The following FAM117A variants were observed in gnomAD, a reference collection of about 807,000 sequenced individuals.
FAM117A encodes protein FAM117A.
In FAM117A, 21 loss-of-function variants were observed where a neutral mutation model predicts 44.1. The observed-to-expected ratio is 0.48, with a 90% CI of 0.34 to 0.69. The LOEUF (loss-of-function observed/expected upper bound fraction) is 0.69. Among genes scored for constraint, FAM117A ranks in the 30% least tolerant of loss-of-function variants. FAM117A has a pLI of 0.01. For synonymous variants in FAM117A, 220 were observed against 238.3 expected, an observed-to-expected ratio of 0.92 and a Z score of 0.71; for missense variants, 498 against 589.9, an observed-to-expected ratio of 0.84 and a Z score of 1.61.
At chr17:49,735,313 C>A (rs2073605950) in intron 1 of FAM117A, among the ~76,000 whole-genome samples, 1 of 151,972 alleles carries the variant, frequency 6.6e-6, no homozygotes, top group African/African-American at 2.4e-5. Flanking sequence ...TTGCTTGAAC[C>A]CGGGAAGCGG....
chr17:49,737,751 G>A (rs1354818400), intron 1 of FAM117A, among the ~76,000 whole-genome samples: 3 of 152,208 alleles, frequency 2.0e-5, no homozygotes, highest in Non-Finnish European at 4.4e-5. Flanking sequence ...AAAGGGGATA[G>A]GGAAAGACTG....
At chr17:49,731,528 G>A (rs2073584894) in intron 2 of FAM117A, among the ~76,000 whole-genome samples, 1 of 152,200 alleles carries the variant, frequency 6.6e-6, no homozygotes. Flanking sequence ...CCGAGCTTGG[G>A]ATTCTTAATG....
chr17:49,748,350 C>A (rs982855665), intron 1 of FAM117A, among the ~76,000 whole-genome samples: 5 of 152,174 alleles, frequency 3.3e-5, no homozygotes, highest in African/African-American at 1.2e-4. Context: ...ATTTGCACAG[C>A]AGCTCCAACA....
At chr17:49,764,855 C>G (rs1262224433), upstream of FAM117A, among the ~76,000 whole-genome samples, 1 of 152,118 alleles carries the variant, frequency 6.6e-6, no homozygotes, top group Non-Finnish European at 1.5e-5. Flanking sequence ...CTTAAAAAAA[C>G]AATTGCTAGC....
intron 1 of FAM117A, among the ~76,000 whole-genome samples, chr17:49,750,059 C>T (rs2073670147): frequency 6.7e-6 from 1 of 148,786 alleles, no homozygotes; most frequent in Non-Finnish European, 1.5e-5. Flanking sequence ...ATTAGTCTCA[C>T]ATATATCCAT....
rs765187180 is a variant in FAM117A, at chr17:49,717,521, T to C, written c.902A>G (p.Asn301Ser). The change falls in exon 6 of 8, where the codon AAC becomes AGC. Residue 301 changes from asparagine to serine, a missense_variant. Physicochemically the swap from Asn to Ser is conservative, Grantham distance 46 (BLOSUM62 1). Around this residue, in one of 3 missense-constraint regions of FAM117A, gnomAD observed 224 missense variants for 296.5 expected, o/e 0.76. Coordinates refer to ENST00000240364, the MANE Select transcript of FAM117A (RefSeq NM_030802.4). Reference protein sequence around the residue: ...GAAEELASTPNDKASSPGHPA... With the variant: ...GAAEELASTPSDKASSPGHPA... ...CAGCCTTCGCGGCTTACCTTTGTCG[T>C]TGGGGGTGGATGCCAGCTCCTCGGC... 17 of 1,613,904 alleles carry C rather than the reference T, an allele frequency of 1.1e-5. No homozygotes were observed. The South Asian group carries it at 1.5e-4, about 15-fold the overall frequency.
At chr17:49,770,807 G>A (rs1268110381) in intron 1 of FAM117A, among the ~76,000 whole-genome samples, 10 of 152,156 alleles carry the variant, frequency 6.6e-5, no homozygotes, top group African/African-American at 2.4e-4. Flanking sequence ...GGAAGGCTGC[G>A]GCTGGCAGAT....
chr17:49,766,444 T>G (rs2073746105), upstream of FAM117A, among the ~76,000 whole-genome samples: 1 of 152,234 alleles, frequency 6.6e-6, no homozygotes, highest in Non-Finnish European at 1.5e-5. Flanking sequence ...CTACAGAGGC[T>G]AGGTGACTTG....
chr17:49,782,035 T>A (rs1416479921), intron 1 of FAM117A, among the ~76,000 whole-genome samples: 1 of 151,752 alleles, frequency 6.6e-6, no homozygotes, highest in African/African-American at 2.4e-5. Context: ...AATATGCACA[T>A]AAAATGTATG....
In FAM117A at chr17:49,721,876, G is replaced by A. The variant is rs145591285; in HGVS notation, c.462+623C>T. On this transcript the variant is annotated intron_variant, in intron 3 of 7. Transcript: ENST00000240364. Reference sequence around the variant, plus strand: ...ATGCTGAGGCTTGCAGATCACCTGAGGTCAGGAGTTCAGGACCACCCTGGC... The same window carrying A: ...ATGCTGAGGCTTGCAGATCACCTGAAGTCAGGAGTTCAGGACCACCCTGGC... 8.3e-3 allele frequency among the ~76,000 whole-genome samples: 1,266 copies of A among 152,134 alleles called. 11 individuals are homozygous for A. The highest frequency in any genetic ancestry group is 0.012 in the African/African-American group (488 of 41,510).
chr17:49,726,503 C>T (rs1299994213), intron 2 of FAM117A, among the ~76,000 whole-genome samples: 2 of 152,202 alleles, frequency 1.3e-5, no homozygotes, highest in African/African-American at 2.4e-5. Context: ...TTAGCCACTG[C>T]GCCCACCCGA....
intron 5 of FAM117A, among the ~76,000 whole-genome samples, chr17:49,718,499 T>C (rs918905866): frequency 4.7e-5 from 7 of 150,502 alleles, no homozygotes; most frequent in African/African-American, 1.7e-4. Flanking sequence ...AAACCCCGTC[T>C]CTACTCAAAG....
chr17:49,779,230 T>C (rs1199277528), intron 1 of FAM117A, among the ~76,000 whole-genome samples: 2 of 152,318 alleles, frequency 1.3e-5, no homozygotes, highest in South Asian at 2.1e-4. Flanking sequence ...TACCCCTCCA[T>C]GGATAGGCAC....
intron 2 of FAM117A, among the ~76,000 whole-genome samples, chr17:49,724,691 G>T (rs1291150816): frequency 6.6e-6 from 1 of 151,532 alleles, no homozygotes; most frequent in African/African-American, 2.4e-5. Context: ...AAATTAACTG[G>T]GCGCCTGTAA....
intron 1 of FAM117A, among the ~76,000 whole-genome samples, chr17:49,740,871 A>T (rs1448280481): frequency 6.6e-6 from 1 of 152,182 alleles, no homozygotes; most frequent in Non-Finnish European, 1.5e-5. Context: ...GCATTAGAGG[A>T]AAGACAGTAG....
At chr17:49,737,222 C>T (rs1426049933) in intron 1 of FAM117A, among the ~76,000 whole-genome samples, 1 of 152,166 alleles carries the variant, frequency 6.6e-6, no homozygotes, top group Non-Finnish European at 1.5e-5. Context: ...TATCTCTACA[C>T]CAGCATTTCA....
chr17:49,781,452 G>C (rs976243209), intron 1 of FAM117A, among the ~76,000 whole-genome samples: 1 of 152,118 alleles, frequency 6.6e-6, no homozygotes, highest in African/African-American at 2.4e-5. Flanking sequence ...AAGTCTTTAA[G>C]GAAAGGAAAG....
intron 1 of FAM117A, 49 bp downstream of exon 1, chr17:49,763,843 C>T (rs939977032): frequency 3.9e-6 from 4 of 1,028,656 alleles, no homozygotes; most frequent in Middle Eastern, 3.6e-4. Context: ...CACGCGCCCC[C>T]CCTCCCCCAA....
chr17:49,787,019 G>A (rs941127043), intron 1 of FAM117A, among the ~76,000 whole-genome samples: 3 of 152,154 alleles, frequency 2.0e-5, no homozygotes, highest in Admixed American at 6.5e-5. Context: ...ACGAGGTGGA[G>A]CTTGCAGTGA....
Sources: gnomAD v4.1 joint callset for allele counts (sites outside exome capture counted in the v4.1 genomes callset) on GRCh38, gnomAD v4.1.1 for gene constraint, gnomAD v4.1.1 regional missense constraint, MANE v1.5 for transcripts, NCBI Gene and HGNC (gene_info 2026-07-23, HGNC 2026-07-21) for gene names.